The following ANO3 variants were observed in gnomAD, a reference collection of about 807,000 sequenced individuals.
The protein encoded by ANO3 is anoctamin 3, also known as anoctamin-3.
ANO3 carries 99 observed loss-of-function variants against 144.8 expected under a neutral mutation model. The ratio of observed to expected loss-of-function variants is 0.68; its 90% CI spans 0.58 to 0.81. ANO3 has a LOEUF of 0.81. Among genes scored for constraint, ANO3 ranks in the 30% least tolerant of loss-of-function variants. The pLI, the probability that ANO3 is intolerant of heterozygous loss-of-function variation, is 0.00. For missense variants in ANO3, 905 were observed against 1,202.2 expected (o/e 0.75, Z 3.66); for synonymous variants, 414 against 392.6 (o/e 1.05, Z -0.64).
intron 14 of ANO3, among the ~76,000 whole-genome samples, chr11:26,562,380 A>G (rs1356335673): frequency 6.6e-6 from 1 of 151,940 alleles, no homozygotes; most frequent in African/African-American, 2.4e-5. Flanking sequence ...GCATTTAATT[A>G]TTTGTTATGG....
chr11:26,321,264 A>G (rs1266685722), intron 1 of ANO3, among the ~76,000 whole-genome samples: 3 of 151,904 alleles, frequency 2.0e-5, no homozygotes, highest in Non-Finnish European at 4.4e-5. Flanking sequence ...CTTATCCCTC[A>G]TCCCCTTGAT....
chr11:26,387,677 G>C (rs1856771614), intron 1 of ANO3, among the ~76,000 whole-genome samples: 1 of 151,834 alleles, frequency 6.6e-6, no homozygotes, highest in Admixed American at 6.6e-5. Context: ...ATTCTCATTA[G>C]TAGAGGCCTC....
chr11:26,518,215 C>A lies in ANO3; in HGVS notation c.692+1288C>A, dbSNP rs200621241. ...TTCTTGAGTTCTGGAATTTTTCTAT[C>A]TTCATGCTATAACCTTCTAAAAAGT... On this transcript the variant is annotated intron_variant, in intron 6 of 26. Transcript: ENST00000256737. 5.9e-5 allele frequency among the ~76,000 whole-genome samples: 9 copies of A among 152,092 alleles called. No homozygotes were observed. In the East Asian group the frequency reaches 1.5e-3, roughly 26 times the overall value.
At position 26,559,863 on chromosome 11, in the gene ANO3, C is replaced by T. The variant is rs556365507; in HGVS notation, c.1447+84C>T. ...ACACACACACACACACACACACACA[C>T]ACACACACACACCATGAATCAATTC... On this transcript the variant is annotated intron_variant, in intron 14 of 26. Transcript: ENST00000256737. 6.1e-5 allele frequency: 56 copies of T among 911,514 alleles called. No homozygotes were observed. In the East Asian group the frequency reaches 1.3e-3, roughly 21 times the overall value. 56.5% of individuals were successfully genotyped at this position (911,514 alleles called of 1,614,324 possible). A position where few individuals can be genotyped will look rare whatever the true frequency, so the allele number is the denominator to read the frequency against.
At chr11:26,530,606 A>G (rs916926959) in intron 7 of ANO3, among the ~76,000 whole-genome samples, 2 of 151,816 alleles carry the variant, frequency 1.3e-5, no homozygotes, top group Non-Finnish European at 2.9e-5. Flanking sequence ...CATGCCTATA[A>G]TCCCAGCACT....
At chr11:26,528,084 G>A (rs528165542) in intron 7 of ANO3, among the ~76,000 whole-genome samples, 41 of 152,162 alleles carry the variant, frequency 2.7e-4, no homozygotes, top group Non-Finnish European at 5.0e-4. Context: ...TTTGCAAGAC[G>A]TCCAACACAA....
intron 9 of ANO3, among the ~76,000 whole-genome samples, chr11:26,536,169 A>T (rs1849504623): frequency 6.6e-6 from 1 of 151,888 alleles, no homozygotes; most frequent in African/African-American, 2.4e-5. Flanking sequence ...AAATACAAAA[A>T]TTAGCCAGGC....
intron 4 of ANO3, among the ~76,000 whole-genome samples, chr11:26,495,247 G>A (rs1860884434): frequency 6.7e-6 from 1 of 149,428 alleles, no homozygotes; most frequent in South Asian, 2.1e-4. Flanking sequence ...TGGGAATACA[G>A]ACGTGCCACC....
chr11:26,347,876 A>T (rs774550105), intron 1 of ANO3, among the ~76,000 whole-genome samples: 1 of 152,334 alleles, frequency 6.6e-6, no homozygotes, highest in African/African-American at 2.4e-5. Context: ...ACCTTGTACA[A>T]CATCATGTGT....
chr11:26,456,952 A>T (rs1859185468), intron 3 of ANO3, among the ~76,000 whole-genome samples: 1 of 150,960 alleles, frequency 6.6e-6, no homozygotes, highest in Non-Finnish European at 1.5e-5. Flanking sequence ...GGAAATCATC[A>T]TTCTCAGTAA....
At position 26,463,041 on chromosome 11, in the gene ANO3, G is replaced by T; in HGVS notation, c.325G>T (p.Asp109Tyr). Residue 109 changes from aspartate (D) to tyrosine (Y), a missense_variant, in exon 4 of 27, where the codon GAT (aspartate) becomes TAT (tyrosine). By Grantham distance (160) the Asp-to-Tyr change is radical. This residue lies in a region of ANO3 where 174 missense variants were observed against 171.9 expected (regional missense o/e 1.01). Coordinates refer to ENST00000256737, the MANE Select transcript of ANO3 (RefSeq NM_031418.4). ...LSDFCLALGK[D>Y]KDYTDESEHA... ...TTTCTCTTTTATAGCCCTAGGAAAA[G>T]ATAAGGATTACACGGATGAATCAGA... 6.4e-7 allele frequency: 1 copy of T among 1,551,818 alleles called. No homozygotes were observed. Among genetic ancestry groups the T allele is most frequent in the Non-Finnish European group, 8.7e-7 (1 of 1,146,826 alleles).
At chr11:26,524,461 G>T (rs1266804406) in intron 6 of ANO3, among the ~76,000 whole-genome samples, 3 of 152,110 alleles carry the variant, frequency 2.0e-5, no homozygotes, top group Non-Finnish European at 4.4e-5. Flanking sequence ...TTTCTAAGCA[G>T]CTAATAACAT....
intron 3 of ANO3, among the ~76,000 whole-genome samples, chr11:26,444,583 T>C (rs1858638935): frequency 6.6e-6 from 1 of 152,162 alleles, no homozygotes; most frequent in Non-Finnish European, 1.5e-5. Context: ...TTTTCAAAAC[T>C]CCTGGATCAC....
chr11:26,557,855 C>T (rs995816244), intron 13 of ANO3, among the ~76,000 whole-genome samples: 1 of 152,118 alleles, frequency 6.6e-6, no homozygotes, highest in African/African-American at 2.4e-5. Flanking sequence ...CCACAGACCT[C>T]GAACTGTTCT....
At chr11:26,552,199 C>T (rs1290370975) in intron 12 of ANO3, among the ~76,000 whole-genome samples, 1 of 151,918 alleles carries the variant, frequency 6.6e-6, no homozygotes, top group Non-Finnish European at 1.5e-5. Flanking sequence ...ATCATCTTTG[C>T]CCGCTGTAAA....
chr11:26,586,879 T>C (rs1290982011), intron 14 of ANO3, among the ~76,000 whole-genome samples: 1 of 152,026 alleles, frequency 6.6e-6, no homozygotes, highest in Non-Finnish European at 1.5e-5. Flanking sequence ...GAGTTAACTA[T>C]GCATGCCAAA....
At chr11:26,420,246 T>TA (rs1325783957) in intron 1 of ANO3, among the ~76,000 whole-genome samples, 1 of 152,110 alleles carries the variant, frequency 6.6e-6, no homozygotes, top group Non-Finnish European at 1.5e-5. Flanking sequence ...TTAGAGTACT[T>TA]ACAGTATATG....
At chr11:26,414,383 A>G (rs1857514706) in intron 1 of ANO3, among the ~76,000 whole-genome samples, 1 of 152,146 alleles carries the variant, frequency 6.6e-6, no homozygotes, top group African/African-American at 2.4e-5. Flanking sequence ...AATGTGGTAC[A>G]TGTACACCAT....
chr11:26,292,904 C>G (rs982751788), intron 1 of ANO3, among the ~76,000 whole-genome samples: 3 of 152,164 alleles, frequency 2.0e-5, no homozygotes, highest in Non-Finnish European at 2.9e-5. Context: ...AGGAGGCAGT[C>G]TGTCCGTTCT....
Sources: gnomAD v4.1 joint callset for allele counts (sites outside exome capture counted in the v4.1 genomes callset) on GRCh38, gnomAD v4.1.1 for gene constraint, gnomAD v4.1.1 regional missense constraint, MANE v1.5 for transcripts, NCBI Gene and HGNC (gene_info 2026-07-23, HGNC 2026-07-21) for gene names.